Variants in PPP2R5A observed in about 807,000 individuals in gnomAD.
PPP2R5A encodes the protein protein phosphatase 2 regulatory subunit B'alpha.
In PPP2R5A, 25 loss-of-function variants were observed where a neutral mutation model predicts 64.2. The ratio of observed to expected loss-of-function variants is 0.39; its 90% CI spans 0.28 to 0.54. PPP2R5A has a LOEUF of 0.54. PPP2R5A is among the 20% of genes least tolerant of loss of function. The pLI is 0.67. For synonymous variants in PPP2R5A, 198 were observed against 201.2 expected (o/e 0.98, Z 0.13); for missense variants, 425 against 576.3 (o/e 0.74, Z 2.69).
intron 1 of PPP2R5A, among the ~76,000 whole-genome samples, chr1:212,302,899 AT>A (rs544173597): frequency 4.6e-4 from 70 of 152,124 alleles, no homozygotes; most frequent in Non-Finnish European, 9.4e-4. Context: ...TCAAGGATTT[AT>A]TCATGTTGTA....
chr1:212,295,867 G>A (rs1219701468), intron 1 of PPP2R5A, among the ~76,000 whole-genome samples: 3 of 152,168 alleles, frequency 2.0e-5, no homozygotes, highest in African/African-American at 7.2e-5. Context: ...TGGATAATGA[G>A]TAGAAATTGT....
intron 12 of PPP2R5A, 42 bp from the exon 13 acceptor site, chr1:212,360,596 C>A: frequency 4.8e-6 from 7 of 1,471,890 alleles, no homozygotes; most frequent in Non-Finnish European, 6.4e-6. Flanking sequence ...TCTTTGGGTT[C>A]TGAAATAATT....
intron 5 of PPP2R5A, 60 bp from the exon 6 acceptor site, chr1:212,347,287 G>A (rs543757777): frequency 1.1e-5 from 14 of 1,229,528 alleles, no homozygotes; most frequent in Non-Finnish European, 1.5e-5. Flanking sequence ...CCTCCTGCCT[G>A]TTTCTCTTAG....
intron 12 of PPP2R5A, 106 bp from the exon 13 acceptor site, chr1:212,360,532 A>T: frequency 1.0e-6 from 1 of 990,484 alleles, no homozygotes; most frequent in Non-Finnish European, 1.4e-6. Flanking sequence ...AGAGGGATTT[A>T]AGTGAAATGT....
intron 1 of PPP2R5A, among the ~76,000 whole-genome samples, chr1:212,312,359 G>A (rs115851438): frequency 0.011 from 1,698 of 152,274 alleles, 28 homozygotes; most frequent in African/African-American, 0.038. Context: ...TGTACCACTA[G>A]CTCTTGGTAT....
At chr1:212,338,238 C>T (rs1434462244) in intron 3 of PPP2R5A, among the ~76,000 whole-genome samples, 1 of 152,204 alleles carries the variant, frequency 6.6e-6, no homozygotes, top group Non-Finnish European at 1.5e-5. Context: ...ATGGTCAGAA[C>T]TCAGTAGAAT....
chr1:212,287,078 T>C (rs1167463553), intron 1 of PPP2R5A, among the ~76,000 whole-genome samples: 2 of 152,192 alleles, frequency 1.3e-5, no homozygotes, highest in African/African-American at 4.8e-5. Flanking sequence ...TTTGTAGGTT[T>C]GTACAGGAAT....
chr1:212,307,604 A>C (rs1316408371), intron 1 of PPP2R5A, among the ~76,000 whole-genome samples: 1 of 152,226 alleles, frequency 6.6e-6, no homozygotes, highest in Non-Finnish European at 1.5e-5. Context: ...TATTTTGTGT[A>C]ATGGCTGTTA....
At chr1:212,339,992 T>TAAAAAAA (rs67654928) in intron 3 of PPP2R5A, among the ~76,000 whole-genome samples, 6 of 72,716 alleles carry the variant, frequency 8.3e-5, no homozygotes, top group Non-Finnish European at 1.2e-4. Flanking sequence ...ACATGCTGCT[T>TAAAAAAA]AAAAAAAAAA....
At chr1:212,307,715 A>G (rs1658946692) in intron 1 of PPP2R5A, among the ~76,000 whole-genome samples, 1 of 152,230 alleles carries the variant, frequency 6.6e-6, no homozygotes, top group Non-Finnish European at 1.5e-5. Flanking sequence ...ACAGATTTCA[A>G]GCTATCATTG....
intron 12 of PPP2R5A, 25 bp from the exon 13 acceptor site, chr1:212,360,613 T>G: frequency 6.6e-7 from 1 of 1,522,138 alleles, no homozygotes. Flanking sequence ...AATTTCTGAT[T>G]ACAAAAATTT....
intron 8 of PPP2R5A, among the ~76,000 whole-genome samples, chr1:212,350,378 G>A (rs1659854411): frequency 6.6e-6 from 1 of 152,208 alleles, no homozygotes; most frequent in Non-Finnish European, 1.5e-5. Flanking sequence ...ATTCCCAGGT[G>A]TGCAGTGGCT....
chr1:212,308,977 T>C lies in PPP2R5A; in HGVS notation c.182-20158T>C, dbSNP rs1571582187. On this transcript the variant is annotated intron_variant, in intron 1 of 12. Transcript: ENST00000261461. ...ATGATATTCTCTGTTTGATGTAACA[T>C]TGTCATCATACCTTTCTTCTTTTTT... 7 of 628,814 alleles carry C rather than the reference T, an allele frequency of 1.1e-5. No individual in the cohort carries two copies. In the East Asian group the frequency reaches 1.4e-4, roughly 12 times the overall value. The allele number at this position is 628,814 out of a possible 1,614,324, so 39.0% of individuals were successfully genotyped here.
At chr1:212,323,216 A>G (rs902000012) in intron 1 of PPP2R5A, among the ~76,000 whole-genome samples, 1 of 152,136 alleles carries the variant, frequency 6.6e-6, no homozygotes, top group African/African-American at 2.4e-5. Context: ...TACCTTTTCC[A>G]TTTTGCCTGA....
At chr1:212,341,408 G>A (rs1659682756) in intron 3 of PPP2R5A, among the ~76,000 whole-genome samples, 1 of 152,128 alleles carries the variant, frequency 6.6e-6, no homozygotes, top group Non-Finnish European at 1.5e-5. Context: ...AAGACCAGAA[G>A]TTTTTCTTTT....
intron 11 of PPP2R5A, 51 bp downstream of exon 11, chr1:212,357,335 C>G: frequency 7.5e-7 from 1 of 1,338,266 alleles, no homozygotes; most frequent in African/African-American, 1.6e-5. Flanking sequence ...TTTTTTATAT[C>G]TTTTTGTTAT....
At chr1:212,305,534 G>A (rs351384) in intron 1 of PPP2R5A, among the ~76,000 whole-genome samples, 149,614 of 152,138 alleles carry the variant, frequency 0.98, 73,580 homozygotes, top group East Asian at 1. Flanking sequence ...TATAAATTCT[G>A]TAGTGTTCCA....
intron 1 of PPP2R5A, among the ~76,000 whole-genome samples, chr1:212,287,813 AT>A (rs940821707): frequency 2.0e-4 from 31 of 151,568 alleles, no homozygotes; most frequent in Non-Finnish European, 2.2e-4. Context: ...TATACTACTG[AT>A]TTTTTTTCTC....
intron 1 of PPP2R5A, among the ~76,000 whole-genome samples, chr1:212,306,587 A>G (rs777069620): frequency 5.9e-5 from 9 of 151,858 alleles, no homozygotes; most frequent in Non-Finnish European, 1.3e-4. Flanking sequence ...CAGCTTTCTT[A>G]TGGTTGTTTA....
Sources: gnomAD v4.1 joint callset for allele counts (sites outside exome capture counted in the v4.1 genomes callset) on GRCh38, gnomAD v4.1.1 for gene constraint, MANE v1.5 for transcripts, NCBI Gene and HGNC (gene_info 2026-07-23, HGNC 2026-07-21) for gene names.